Variants in CDH4 observed in about 807,000 individuals in gnomAD.
CDH4 encodes cadherin-4.
In CDH4, 33 loss-of-function variants were observed where a neutral mutation model predicts 86.0. That is an observed-to-expected ratio of 0.38 (90% CI 0.29 to 0.51). The LOEUF (loss-of-function observed/expected upper bound fraction) is 0.51. CDH4 is among the 20% of genes least tolerant of loss of function. The pLI, the probability that CDH4 is intolerant of heterozygous loss-of-function variation, is 0.86. For synonymous variants in CDH4, 555 were observed against 549.4 expected, an observed-to-expected ratio of 1.01 and a Z score of -0.14; for missense variants, 1,114 against 1,307.4, an observed-to-expected ratio of 0.85 and a Z score of 2.28.
intron 2 of CDH4, 80 bp from the exon 3 acceptor site, chr20:61,743,483 G>A (rs1258643866): frequency 1.9e-6 from 2 of 1,052,542 alleles, no homozygotes; most frequent in Non-Finnish European, 2.9e-6. Context: ...GGCCTGTAGG[G>A]CGTCCTGCGT....
intron 2 of CDH4, among the ~76,000 whole-genome samples, chr20:61,404,984 A>G (rs1230311903): frequency 6.6e-6 from 1 of 152,210 alleles, no homozygotes; most frequent in African/African-American, 2.4e-5. Context: ...TGGGAGGCGG[A>G]GGTTGCAGTG....
chr20:61,485,772 C>T (rs890236695), intron 2 of CDH4, among the ~76,000 whole-genome samples: 1 of 152,256 alleles, frequency 6.6e-6, no homozygotes, highest in Non-Finnish European at 1.5e-5. Context: ...TGCTGCAGTG[C>T]CCAGGCACGG....
chr20:61,451,712 AG>A (rs1335732233), intron 2 of CDH4, among the ~76,000 whole-genome samples: 1 of 150,906 alleles, frequency 6.6e-6, no homozygotes, highest in Admixed American at 6.6e-5. Flanking sequence ...AAGGAGGAGG[AG>A]GGGGTAGGAG....
intron 2 of CDH4, among the ~76,000 whole-genome samples, chr20:61,424,165 CAT>C (rs963258771): frequency 4.0e-5 from 6 of 150,888 alleles, no homozygotes; most frequent in South Asian, 2.1e-4. Context: ...CATATCCACA[CAT>C]ATGTATCCAC....
chr20:61,699,337 T>G (rs1195792541), intron 2 of CDH4, among the ~76,000 whole-genome samples: 1 of 152,156 alleles, frequency 6.6e-6, no homozygotes, highest in Non-Finnish European at 1.5e-5. Flanking sequence ...ACGCCCCCAG[T>G]CATCACAAGC....
rs2086282867 is a variant in CDH4, at chr20:61,565,332, T to TGGGGA, written c.170-178229_170-178228insGGAGG. On this transcript the variant is annotated intron_variant, in intron 2 of 15. Coordinates refer to ENST00000614565, the MANE Select transcript of CDH4 (RefSeq NM_001794.5). ...TTGGTGGTGGCGGTGCTCTTGGTGATGGTGGTAGTGGTCCTCTTGGTGATG... is the reference window on the plus strand; with the variant it reads ...TTGGTGGTGGCGGTGCTCTTGGTGATGGGGAGGTGGTAGTGGTCCTCTTGGTGATG... Among the ~76,000 whole-genome samples, 3 of 66,668 alleles carry TGGGGA rather than the reference T, an allele frequency of 4.5e-5. 1 individual carries two copies. Among genetic ancestry groups the TGGGGA allele is most frequent in the Non-Finnish European group, 1.1e-4 (3 of 27,790 alleles). The allele number at this position is 66,668 out of a possible 152,430, so 43.7% of individuals were successfully genotyped here.
rs2055082025 is a variant in CDH4, at chr20:61,929,539, T to C, written c.2006-70T>C. On this transcript the variant is annotated intron_variant, in intron 12 of 15. Coordinates refer to ENST00000614565, the MANE Select transcript of CDH4 (RefSeq NM_001794.5). ...TCCATGCCATCGGACTTTTAGTCTT[T>C]TCCTTTGGACGTCTTGCTTGGAAGC... 5.7e-6 allele frequency: 7 copies of C among 1,228,924 alleles called. No individual in the cohort carries two copies. In the East Asian group the frequency reaches 1.4e-4, roughly 25 times the overall value. The allele number at this position is 1,228,924 out of a possible 1,614,324, so 76.1% of individuals were successfully genotyped here. A position where few individuals can be genotyped will look rare whatever the true frequency, so the allele number is the denominator to read the frequency against.
intron 2 of CDH4, among the ~76,000 whole-genome samples, chr20:61,635,284 A>T (rs1001542362): frequency 1.3e-5 from 2 of 152,146 alleles, no homozygotes; most frequent in African/African-American, 4.8e-5. Context: ...CCTTTCTCCC[A>T]ATCCTTGCCA....
At chr20:61,369,249 G>A (rs1032305016) in intron 2 of CDH4, among the ~76,000 whole-genome samples, 7 of 151,800 alleles carry the variant, frequency 4.6e-5, no homozygotes, top group African/African-American at 1.4e-4. Context: ...TCAGGAGTTC[G>A]GGACCAGCCT....
intron 9 of CDH4, among the ~76,000 whole-genome samples, chr20:61,921,410 A>G (rs2054981916): frequency 6.6e-6 from 1 of 152,166 alleles, no homozygotes; most frequent in South Asian, 2.1e-4. Flanking sequence ...TAATTACCAG[A>G]CCTCATGATC....
chr20:61,564,811 C>G (rs1004798096), intron 2 of CDH4, among the ~76,000 whole-genome samples: 3 of 152,154 alleles, frequency 2.0e-5, no homozygotes, highest in African/African-American at 4.8e-5. Context: ...ATAGCCCTCC[C>G]TCAGGGATTC....
chr20:61,432,791 G>A (rs991548784), intron 2 of CDH4, among the ~76,000 whole-genome samples: 1 of 139,230 alleles, frequency 7.2e-6, no homozygotes, highest in Non-Finnish European at 1.6e-5. Context: ...TTTCTCCTAT[G>A]TTTTCTTCTG....
intron 7 of CDH4, among the ~76,000 whole-genome samples, chr20:61,876,147 C>T (rs1397108415): frequency 2.6e-5 from 4 of 152,202 alleles, no homozygotes; most frequent in East Asian, 1.9e-4. Context: ...ACAGGACAGC[C>T]GAGCAAGGGT....
At chr20:61,286,147 T>G (rs1262623532) in intron 2 of CDH4, among the ~76,000 whole-genome samples, 2 of 152,212 alleles carry the variant, frequency 1.3e-5, no homozygotes, top group African/African-American at 4.8e-5. Context: ...TCATATCTCC[T>G]TCTCAATGCC....
At chr20:61,304,055 C>T (rs566814031) in intron 2 of CDH4, among the ~76,000 whole-genome samples, 2 of 152,246 alleles carry the variant, frequency 1.3e-5, no homozygotes, top group Non-Finnish European at 2.9e-5. Context: ...TGGTGATGTC[C>T]CCAGTTCTAT....
At chr20:61,617,381 C>T (rs1023987013) in intron 2 of CDH4, among the ~76,000 whole-genome samples, 2 of 152,202 alleles carry the variant, frequency 1.3e-5, no homozygotes, top group African/African-American at 2.4e-5. Flanking sequence ...GAGGTCCCTG[C>T]GTTTGGAGAG....
chr20:61,656,964 T>C (rs1336426317), intron 2 of CDH4, among the ~76,000 whole-genome samples: 4 of 152,192 alleles, frequency 2.6e-5, no homozygotes, highest in Admixed American at 2.6e-4. Context: ...TGGGATGCAC[T>C]GGACACACCT....
At chr20:61,459,879 G>T (rs1166728018) in intron 2 of CDH4, among the ~76,000 whole-genome samples, 1 of 151,872 alleles carries the variant, frequency 6.6e-6, no homozygotes, top group African/African-American at 2.4e-5. Context: ...CAGGAAAAGG[G>T]AGACAGAGCC....
intron 2 of CDH4, among the ~76,000 whole-genome samples, chr20:61,678,162 T>C (rs1045964146): frequency 2.6e-5 from 4 of 151,862 alleles, no homozygotes; most frequent in South Asian, 2.1e-4. Context: ...AGATGGATGA[T>C]GGATGATGGA....
Sources: allele counts gnomAD v4.1 joint callset (sites outside exome capture counted in the v4.1 genomes callset), GRCh38; gene constraint gnomAD v4.1.1; transcripts MANE v1.5; gene names NCBI Gene and HGNC (gene_info 2026-07-23, HGNC 2026-07-21).